The following AXIN1 variants were observed in gnomAD, a reference collection of about 807,000 sequenced individuals.
AXIN1 encodes the protein axin-1.
In AXIN1, 30 loss-of-function variants were observed where a neutral mutation model predicts 76.4. That is an observed-to-expected ratio of 0.39 (90% CI 0.29 to 0.53). The LOEUF is 0.53. Ranked by LOEUF, AXIN1 falls within the 20% of genes least tolerant of loss-of-function variation. The probability of loss-of-function intolerance (pLI) is 0.66; values close to 1 mark genes in which losing one functional copy is unlikely to be tolerated. For missense variants in AXIN1, 1,140 were observed against 1,198.8 expected, an observed-to-expected ratio of 0.95 and a Z score of 0.72; for synonymous variants, 545 against 501.4, an observed-to-expected ratio of 1.09 and a Z score of -1.16.
chr16:320,867 G>A (rs1441068968), intron 2 of AXIN1, among the ~76,000 whole-genome samples: 1 of 137,736 alleles, frequency 7.3e-6, no homozygotes, highest in African/African-American at 2.8e-5. Flanking sequence ...AGCCTCCCGA[G>A]TAGCTGGGAC....
At chr16:342,766 T>C (rs1450630758) in intron 2 of AXIN1, among the ~76,000 whole-genome samples, 3 of 152,210 alleles carry the variant, frequency 2.0e-5, no homozygotes, top group Admixed American at 6.5e-5. Flanking sequence ...CCAAGGTCAC[T>C]GCAGCAGCCA....
chr16:305,089 A>G (rs1028547354), intron 4 of AXIN1, among the ~76,000 whole-genome samples: 9 of 152,246 alleles, frequency 5.9e-5, no homozygotes, highest in Non-Finnish European at 7.3e-5. Context: ...AGGTGTGAGC[A>G]GAAGGCCCCC....
intron 4 of AXIN1, among the ~76,000 whole-genome samples, chr16:308,188 C>T (rs2053078950): frequency 6.6e-6 from 1 of 152,228 alleles, no homozygotes; most frequent in Non-Finnish European, 1.5e-5. Flanking sequence ...CCTGGCGACT[C>T]AAATGTGACC....
At chr16:315,774 G>A (rs941575810) in intron 2 of AXIN1, among the ~76,000 whole-genome samples, 9 of 150,030 alleles carry the variant, frequency 6.0e-5, no homozygotes, top group African/African-American at 2.2e-4. Context: ...CTTGCAGTAA[G>A]CTGAGATCAC....
chr16:302,108 G>T (rs1474464699), intron 5 of AXIN1, among the ~76,000 whole-genome samples: 1 of 152,234 alleles, frequency 6.6e-6, no homozygotes, highest in African/African-American at 2.4e-5. Flanking sequence ...CAGGAAGCAA[G>T]CGAGCCGCTC....
chr16:291,049 A>C (rs2052543231), intron 9 of AXIN1, 141 bp downstream of exon 9: 1 of 786,454 alleles, frequency 1.3e-6, no homozygotes, highest in African/African-American at 1.7e-5. Context: ...GTCTGATGCC[A>C]CGGGACCCTC....
At chr16:341,288 C>T (rs1013491358) in intron 2 of AXIN1, among the ~76,000 whole-genome samples, 9 of 152,362 alleles carry the variant, frequency 5.9e-5, no homozygotes, top group African/African-American at 1.9e-4. Context: ...GCGGGAACCG[C>T]GGCTGCATGC....
Position 287,500 on chromosome 16 carries a change from T to C in AXIN1, c.*622A>G, listed in dbSNP as rs931104992. 3 of 344,958 alleles carry C rather than the reference T, an allele frequency of 8.7e-6. No individual in the cohort carries two copies. Among genetic ancestry groups the C allele is most frequent in the Non-Finnish European group, 1.6e-5 (3 of 188,408 alleles). The allele number at this position is 344,958 out of a possible 1,614,324, so 21.4% of individuals were successfully genotyped here. A position where few individuals can be genotyped will look rare whatever the true frequency, so the allele number is the denominator to read the frequency against. On this transcript the variant is annotated 3_prime_UTR_variant, in exon 11 of 11. Coordinates refer to ENST00000262320, the MANE Select transcript of AXIN1 (RefSeq NM_003502.4). Reference sequence around the variant, plus strand: ...AAGTACCTTTGAAAAGATAATTAATTGTACAAGTGTCATCGCATGAAAAAC... The same window carrying C: ...AAGTACCTTTGAAAAGATAATTAATCGTACAAGTGTCATCGCATGAAAAAC...
chr16:326,370 A>ATTATATATATATATAT (rs1415761664), intron 2 of AXIN1, among the ~76,000 whole-genome samples: 12 of 93,024 alleles, frequency 1.3e-4, no homozygotes, highest in Admixed American at 6.1e-4. Flanking sequence ...AAAAAAAAAA[A>ATTATATATATATATAT]AAATATATAT....
intron 2 of AXIN1, among the ~76,000 whole-genome samples, chr16:334,063 C>A (rs1450004890): frequency 6.6e-6 from 1 of 151,592 alleles, no homozygotes; most frequent in African/African-American, 2.4e-5. Flanking sequence ...CATAACACAG[C>A]ACCCAGTACC....
chr16:288,158 C>A lies in AXIN1; in HGVS notation c.2553G>T (p.Glu851Asp), dbSNP rs2052438937. The A allele has an allele frequency of 6.2e-7, 1 of 1,613,642 alleles. No homozygotes were observed. Among genetic ancestry groups the A allele is most frequent in the Non-Finnish European group, 8.5e-7 (1 of 1,180,018 alleles). ...REDEAVLPVF[E>D]EKIIGKVEKV... ...TCTCCACTTTGCCGATGATCTTCTCCTCAAAGACGGGCAGGACGGCCTCGT... is the reference window on the plus strand; with the variant it reads ...TCTCCACTTTGCCGATGATCTTCTCATCAAAGACGGGCAGGACGGCCTCGT... Residue 851 changes from glutamate to aspartate, a missense_variant, in exon 11 of 11, where the codon GAG (glutamate) becomes GAT (aspartate). Glu to Asp is a conservative substitution (Grantham distance 45). Coordinates refer to ENST00000262320, the MANE Select transcript of AXIN1 (RefSeq NM_003502.4).
rs1021847154 is a variant in AXIN1 at position 346,813 on chromosome 16, C to T, written c.213G>A (p.Glu71=). Residue 71 remains glutamate (E), a synonymous_variant, in exon 2 of 11, where the codon GAG becomes GAA. Transcript: ENST00000262320. Reference sequence around the variant, plus strand: ...GGGTGGGGGAGGCACTGCCCTCAGGCTCATACCCCAGGTCCAGATCCGAGC... The same window carrying T: ...GGGTGGGGGAGGCACTGCCCTCAGGTTCATACCCCAGGTCCAGATCCGAGC... ...PRRSDLDLGY[E]PEGSASPTPP... 1 of 1,613,356 alleles carries T rather than the reference C, an allele frequency of 6.2e-7. No individual in the cohort carries two copies. The highest frequency in any genetic ancestry group is 2.2e-5 in the East Asian group (1 of 44,858).
At chr16:302,536 T>C (rs2052900668) in intron 5 of AXIN1, among the ~76,000 whole-genome samples, 1 of 152,214 alleles carries the variant, frequency 6.6e-6, no homozygotes. Flanking sequence ...ACGAGCTATG[T>C]AAGGTCTGCC....
At chr16:323,218 T>G (rs372125244) in intron 2 of AXIN1, among the ~76,000 whole-genome samples, 2 of 151,796 alleles carry the variant, frequency 1.3e-5, no homozygotes, top group Admixed American at 1.3e-4. Flanking sequence ...CGCAGGCATA[T>G]CACGAGGTCA....
chr16:320,737 A>ATTTTTTTTTT (rs201303569), intron 2 of AXIN1, among the ~76,000 whole-genome samples: 1 of 89,574 alleles, frequency 1.1e-5, no homozygotes, highest in African/African-American at 7.6e-5. Flanking sequence ...ATATATATAT[A>ATTTTTTTTTT]TATATATTTT....
chr16:298,107 G>A lies in AXIN1; in HGVS notation c.1399C>T (p.Pro467Ser), dbSNP rs775006872. Reference sequence around the variant, plus strand: ...ACGTGCTCGTCCAGGATGCTCTCAGGGTTCTCCTCGTGTGCATCCCGGAGC... The same window carrying A: ...ACGTGCTCGTCCAGGATGCTCTCAGAGTTCTCCTCGTGTGCATCCCGGAGC... ...AGLRDAHEEN[P>S]ESILDEHVQR... The change falls in exon 6 of 11, where the codon CCT (proline) becomes TCT (serine). Residue 467 changes from proline (P) to serine (S), a missense_variant. By Grantham distance (74) the Pro-to-Ser change is moderately conservative. This residue lies in a region of AXIN1 where 708 missense variants were observed against 776.9 expected (regional missense o/e 0.91). Coordinates refer to ENST00000262320, the MANE Select transcript of AXIN1 (RefSeq NM_003502.4). 1 of 1,547,712 alleles carries A rather than the reference G, an allele frequency of 6.5e-7. No homozygotes were observed. Among genetic ancestry groups the A allele is most frequent in the Non-Finnish European group, 8.7e-7 (1 of 1,149,910 alleles).
chr16:311,262 C>A (rs1036099998), intron 3 of AXIN1, among the ~76,000 whole-genome samples: 2 of 151,794 alleles, frequency 1.3e-5, no homozygotes, highest in African/African-American at 4.8e-5. Flanking sequence ...AATCTCCTGA[C>A]CCCGTGATCC....
rs751841511 is a variant in AXIN1 at position 297,707 on chromosome 16, C to G, written c.1784+15G>C. The G allele has an allele frequency of 6.3e-7, 1 of 1,590,264 alleles. No individual in the cohort carries two copies. The highest frequency in any genetic ancestry group is 8.5e-7 in the Non-Finnish European group (1 of 1,173,386). On this transcript the variant is annotated intron_variant, in intron 6 of 10. Transcript: ENST00000262320. ...TCACCCCAAGCCCCCTCCTCACTGACAGGCGCACGCTCACCTGTGGGCGAG... is the reference window on the plus strand; with the variant it reads ...TCACCCCAAGCCCCCTCCTCACTGAGAGGCGCACGCTCACCTGTGGGCGAG...
intron 2 of AXIN1, among the ~76,000 whole-genome samples, chr16:324,191 C>T (rs2053528083): frequency 1.3e-5 from 2 of 152,218 alleles, no homozygotes; most frequent in Admixed American, 1.3e-4. Context: ...AGCCGCCTTA[C>T]GGGTCTTTAC....
Sources: gnomAD v4.1 joint callset for allele counts (sites outside exome capture counted in the v4.1 genomes callset) on GRCh38, gnomAD v4.1.1 for gene constraint, gnomAD v4.1.1 regional missense constraint, MANE v1.5 for transcripts, NCBI Gene and HGNC (gene_info 2026-07-23, HGNC 2026-07-21) for gene names.